Variants in AMMECR1 observed in about 807,000 individuals in gnomAD.
AMMECR1 encodes AMMECR nuclear protein 1.
AMMECR1 carries 3 observed loss-of-function variants against 22.5 expected under a neutral mutation model. The ratio of observed to expected loss-of-function variants is 0.13; its 90% CI spans 0.06 to 0.35. AMMECR1 has a LOEUF of 0.35. Ranked by LOEUF, AMMECR1 falls within the 10% of genes least tolerant of loss-of-function variation. AMMECR1 has a pLI of 1.00. For missense variants in AMMECR1, 235 were observed against 278.7 expected (o/e 0.84, Z 1.12); for synonymous variants, 130 against 116.7 (o/e 1.11, Z -0.74).
At chrX:110,356,522 G>A (rs7054041) in intron 2 of AMMECR1, among the ~76,000 whole-genome samples, 12,675 of 110,169 alleles carry the variant, frequency 0.12, 1,817 homozygotes, top group African/African-American at 0.4. Context: ...AATATATTGT[G>A]TATTTCAAAA....
chrX:110,307,529 A>G (rs2068002814), intron 1 of AMMECR1, among the ~76,000 whole-genome samples: 1 of 112,089 alleles, frequency 8.9e-6, no homozygotes, highest in Non-Finnish European at 1.9e-5. Flanking sequence ...AAACTACATG[A>G]AACAAACTTC....
At chrX:110,233,400 C>T (rs113774785) in intron 2 of AMMECR1, among the ~76,000 whole-genome samples, 6 of 111,558 alleles carry the variant, frequency 5.4e-5, no homozygotes, top group South Asian at 3.7e-4. Context: ...TTCTACCAGA[C>T]GTACAAAGAG....
intron 1 of AMMECR1, among the ~76,000 whole-genome samples, chrX:110,274,191 C>CT (rs768026414): frequency 9.9e-4 from 110 of 111,438 alleles, no homozygotes; most frequent in Middle Eastern, 9.2e-3. Flanking sequence ...TTATAGAGAT[C>CT]TTTTGTGAAT....
chrX:110,316,904 GAA>G (rs372150467), intron 1 of AMMECR1, among the ~76,000 whole-genome samples: 5 of 83,613 alleles, frequency 6.0e-5, no homozygotes, highest in African/African-American at 4.3e-5. Context: ...CGGTGGAATG[GAA>G]AAAAAAAAAA....
intron 2 of AMMECR1, among the ~76,000 whole-genome samples, chrX:110,418,618 C>T (rs1242306911): frequency 9.0e-6 from 1 of 111,614 alleles, no homozygotes; most frequent in Admixed American, 9.5e-5. Flanking sequence ...CCAGGCCTCC[C>T]TTCCCCAAAC....
At chrX:110,439,174 CAGCCATTGGAGCTGCTTCAG>C (rs2068861291) in intron 1 of AMMECR1, among the ~76,000 whole-genome samples, 1 of 112,005 alleles carries the variant, frequency 8.9e-6, no homozygotes, top group East Asian at 2.8e-4. Context: ...CCTTTGTGAG[CAGCCATTGGAGCTGCTTCAG>C]GGACTGACAA....
chrX:110,416,796 T>C (rs1376120819), intron 2 of AMMECR1, among the ~76,000 whole-genome samples: 1 of 112,254 alleles, frequency 8.9e-6, no homozygotes, highest in Non-Finnish European at 1.9e-5. Flanking sequence ...CAAGACTAGC[T>C]TAGAGGCAAG....
chrX:110,230,656 G>T (rs988176297), intron 2 of AMMECR1, among the ~76,000 whole-genome samples: 2 of 112,026 alleles, frequency 1.8e-5, no homozygotes, highest in Non-Finnish European at 3.8e-5. Context: ...ACCAGCAACG[G>T]AACAAAGTGG....
intron 2 of AMMECR1, among the ~76,000 whole-genome samples, chrX:110,413,501 C>A (rs978629596): frequency 9.1e-6 from 1 of 109,414 alleles, no homozygotes; most frequent in Non-Finnish European, 1.9e-5. Context: ...TTATAACCAT[C>A]CCCTCCTGGT....
At chrX:110,249,382 T>C (rs981145524) in intron 2 of AMMECR1, among the ~76,000 whole-genome samples, 1 of 111,262 alleles carries the variant, frequency 9.0e-6, no homozygotes, top group African/African-American at 3.3e-5. Flanking sequence ...TGGAATTAGA[T>C]AGAATCAGGT....
chrX:110,318,103 G>C (rs748349750), upstream of AMMECR1: 2 of 1,111,007 alleles, frequency 1.8e-6, no homozygotes, highest in South Asian at 2.4e-5. Flanking sequence ...CAGCGTTTCC[G>C]ACCCATAAGT....
At chrX:110,282,596 T>C (rs1211914196) in intron 1 of AMMECR1, among the ~76,000 whole-genome samples, 3 of 112,047 alleles carry the variant, frequency 2.7e-5, no homozygotes, top group African/African-American at 9.8e-5. Context: ...CCCAAAATTG[T>C]TAATTTCCTT....
intron 1 of AMMECR1, among the ~76,000 whole-genome samples, chrX:110,268,328 T>A (rs1479409489): frequency 8.9e-6 from 1 of 112,125 alleles, no homozygotes; most frequent in Non-Finnish European, 1.9e-5. Flanking sequence ...TTAGGACAGA[T>A]GCCTGAAGAT....
At chrX:110,395,778 A>G (rs2068524697) in intron 2 of AMMECR1, among the ~76,000 whole-genome samples, 1 of 111,147 alleles carries the variant, frequency 9.0e-6, no homozygotes, top group African/African-American at 3.3e-5. Context: ...GGGGACCTAC[A>G]TGAGTTGCCC....
intron 2 of AMMECR1, among the ~76,000 whole-genome samples, chrX:110,378,657 T>C (rs1311913449): frequency 8.9e-6 from 1 of 112,219 alleles, no homozygotes; most frequent in East Asian, 2.8e-4. Flanking sequence ...CCAGCATCAG[T>C]GTTTCTTTCA....
chrX:110,231,587 C>A (rs1430780587), intron 2 of AMMECR1, among the ~76,000 whole-genome samples: 3 of 111,972 alleles, frequency 2.7e-5, no homozygotes, highest in Non-Finnish European at 5.6e-5. Flanking sequence ...ACCATCGATG[C>A]TAAGAAGAAA....
chrX:110,307,864 CTT>C (rs1162615101), intron 1 of AMMECR1, among the ~76,000 whole-genome samples: 343 of 63,544 alleles, frequency 5.4e-3, no homozygotes, highest in African/African-American at 0.02. Context: ...TTTTTTTTTT[CTT>C]TTTTTTTTTT....
At chrX:110,406,361 G>T (rs952723999) in intron 2 of AMMECR1, among the ~76,000 whole-genome samples, 1 of 110,049 alleles carries the variant, frequency 9.1e-6, no homozygotes, top group Non-Finnish European at 1.9e-5. Context: ...GCGGTGTTTG[G>T]TTTTCTGATC....
chrX:110,387,955 G>A (rs1340707956), intron 2 of AMMECR1, among the ~76,000 whole-genome samples: 1 of 103,018 alleles, frequency 9.7e-6, no homozygotes, highest in Non-Finnish European at 2.0e-5. Flanking sequence ...TCCGCCTCCC[G>A]GGTTCACGCC....
Sources: allele counts gnomAD v4.1 joint callset (sites outside exome capture counted in the v4.1 genomes callset), GRCh38; gene constraint gnomAD v4.1.1; transcripts MANE v1.5; gene names NCBI Gene and HGNC (gene_info 2026-07-23, HGNC 2026-07-21).